The following ZNF500 variants were observed in gnomAD, a reference collection of about 807,000 sequenced individuals.
The protein encoded by ZNF500 is zinc finger protein with KRAB and SCAN domains 18.
In ZNF500, 31 loss-of-function variants were observed where a neutral mutation model predicts 30.1. The ratio of observed to expected loss-of-function variants is 1.03; its 90% confidence interval spans 0.77 to 1.39. The LOEUF is 1.39. Among genes scored for constraint, ZNF500 ranks in the 40% most tolerant of loss-of-function variants. The probability of loss-of-function intolerance (pLI) is 0.00; values close to 1 mark genes in which losing one functional copy is unlikely to be tolerated. For missense variants in ZNF500, 817 were observed against 657.8 expected, an observed-to-expected ratio of 1.24 and a Z score of -2.65; for synonymous variants, 392 against 282.0, an observed-to-expected ratio of 1.39 and a Z score of -3.91.
intron 1 of ZNF500, among the ~76,000 whole-genome samples, chr16:4,766,590 C>A (rs1321928539): frequency 6.6e-6 from 1 of 152,162 alleles, no homozygotes; most frequent in Non-Finnish European, 1.5e-5. Context: ...CACTGCACTC[C>A]AGCCTGGGCG....
chr16:4,752,316 G>C lies in ZNF500; in HGVS notation c.*60C>G, dbSNP rs1023170391. The C allele has an allele frequency of 7.0e-7, 1 of 1,437,584 alleles. No individual in the cohort carries two copies. Among genetic ancestry groups the C allele is most frequent in the South Asian group, 1.5e-5 (1 of 67,518 alleles). The allele number at this position is 1,437,584 out of a possible 1,614,324, so 89.1% of individuals were successfully genotyped here. A position where few individuals can be genotyped will look rare whatever the true frequency, so the allele number is the denominator to read the frequency against. ...TGCTTTCGGACCAGGCTGTCTAGCA[G>C]TTTCCTGAATTCTGTGCCCAGGGAT... is the stretch of plus-strand genomic sequence containing the variant. On this transcript the variant is annotated 3_prime_UTR_variant, in exon 6 of 6. Coordinates refer to ENST00000219478, the MANE Select transcript of ZNF500 (RefSeq NM_021646.4).
Position 4,765,823 on chromosome 16 carries a change from G to A in ZNF500, c.156C>T (p.Leu52=). ...CCTCCTGGTAGCAGAAGAGCCGGAA[G>A]AGCTGGCGGAAAGTCTCAGGGCTGG... The part of the protein sequence containing the change: ...EDPSPETFRQ[L]FRLFCYQEVA... Residue 52 remains leucine, a synonymous_variant, in exon 2 of 6, where the codon CTC becomes CTT. Transcript: ENST00000219478. The A allele has an allele frequency of 1.9e-6, 3 of 1,613,654 alleles. No individual in the cohort carries two copies. The highest frequency in any genetic ancestry group is 2.2e-5 in the South Asian group (2 of 91,082).
rs748019062 is a variant in ZNF500 at position 4,752,543 on chromosome 16, C to T, written c.1276G>A (p.Ala426Thr). Reference protein sequence around the residue: ...KRFNNSSHFSAHRRTHTGEKP... With the variant: ...KRFNNSSHFSTHRRTHTGEKP... ...TCACCTGTGTGCGTCCGGCGGTGGG[C>T]GCTGAAGTGCGAGCTGTTGTTGAAG... The change falls in exon 6 of 6, where the codon GCC becomes ACC. Residue 426 changes from alanine (A) to threonine (T), a missense_variant. By Grantham distance (58) the Ala-to-Thr change is moderately conservative. Transcript: ENST00000219478. 17 of 1,567,042 alleles carry T rather than the reference C, an allele frequency of 1.1e-5. No individual in the cohort carries two copies. In the East Asian group the frequency reaches 1.7e-4, roughly 15 times the overall value.
intron 5 of ZNF500, among the ~76,000 whole-genome samples, chr16:4,757,276 C>A (rs1480702013): frequency 6.6e-6 from 1 of 152,154 alleles, no homozygotes; most frequent in African/African-American, 2.4e-5. Flanking sequence ...TGAATTTCAT[C>A]TCATTAAAAA....
At chr16:4,746,212 C>G, downstream of ZNF500, 1 of 693,994 alleles carries the variant, frequency 1.4e-6, no homozygotes, top group Non-Finnish European at 2.3e-6. Flanking sequence ...ATCTCGCATG[C>G]TGTTCTGAAG....
chr16:4,746,878 A>C, downstream of ZNF500: 1 of 1,470,422 alleles, frequency 6.8e-7, no homozygotes, highest in Non-Finnish European at 9.1e-7. Context: ...CAAGAGTTGG[A>C]ACACCAGGTG....
downstream of ZNF500, chr16:4,747,082 C>G: frequency 6.9e-7 from 1 of 1,452,986 alleles, no homozygotes; most frequent in Non-Finnish European, 9.2e-7. Context: ...CTTTCTGCAG[C>G]AAGCCCTCCA....
chr16:4,754,418 G>T (rs559952197), intron 5 of ZNF500, among the ~76,000 whole-genome samples: 2 of 152,202 alleles, frequency 1.3e-5, no homozygotes, highest in South Asian at 4.1e-4. Context: ...CAAGCACTTT[G>T]GGAGGCCGAG....
At chr16:4,760,617 G>T (rs1309150981) in intron 4 of ZNF500, 29 bp from the exon 5 acceptor site, 2 of 1,601,020 alleles carry the variant, frequency 1.2e-6, no homozygotes, top group Non-Finnish European at 1.7e-6. Context: ...CTCAGTCCTG[G>T]CCCCAAGCAA....
chr16:4,755,936 AAAG>A (rs1469670431), intron 5 of ZNF500, among the ~76,000 whole-genome samples: 2 of 152,196 alleles, frequency 1.3e-5, no homozygotes, highest in African/African-American at 2.4e-5. Context: ...ACACTGAGCA[AAAG>A]AAGCCAGTCA....
At chr16:4,746,296 T>G, downstream of ZNF500, 1 of 1,451,024 alleles carries the variant, frequency 6.9e-7, no homozygotes, top group Non-Finnish European at 9.4e-7. Flanking sequence ...CCACGAGCAC[T>G]GTGACTGGAC....
At chr16:4,758,454 T>C (rs913697727) in intron 5 of ZNF500, 2 of 152,196 alleles carry the variant, frequency 1.3e-5, no homozygotes, top group African/African-American at 4.8e-5. Flanking sequence ...TTCTGCCTTT[T>C]GCACAGGGAA....
intron 4 of ZNF500, 77 bp from the exon 5 acceptor site, chr16:4,760,665 G>T: frequency 7.6e-7 from 1 of 1,321,700 alleles, no homozygotes; most frequent in Non-Finnish European, 1.1e-6. Context: ...GGCCCAGGGA[G>T]CTGCACCGCC....
chr16:4,746,113 C>CT, downstream of ZNF500: 1 of 395,378 alleles, frequency 2.5e-6, no homozygotes, highest in Non-Finnish European at 4.5e-6. Flanking sequence ...TAAATGTAAA[C>CT]TTAGCCACTT....
downstream of ZNF500, chr16:4,746,743 G>A: frequency 2.5e-5 from 19 of 752,174 alleles, no homozygotes; most frequent in South Asian, 2.9e-4. Flanking sequence ...AGCCCAACAC[G>A]TCTAGGCTGG....
Position 4,752,035 on chromosome 16 carries a change from G to A in ZNF500, c.*341C>T. On this transcript the variant is annotated 3_prime_UTR_variant, in exon 6 of 6. Transcript: ENST00000219478. Reference sequence around the variant, plus strand: ...TGCCAGCAGCCACTGGATGCTGGAGGCAGCTGATGGACCCTCCCAGGCCCT... The same window carrying A: ...TGCCAGCAGCCACTGGATGCTGGAGACAGCTGATGGACCCTCCCAGGCCCT... 8.0e-7 allele frequency: 1 copy of A among 1,255,630 alleles called. No homozygotes were observed. Among genetic ancestry groups the A allele is most frequent in the Non-Finnish European group, 1.0e-6 (1 of 992,586 alleles). The allele number at this position is 1,255,630 out of a possible 1,614,324, so 77.8% of individuals were successfully genotyped here.
chr16:4,747,135 C>G, downstream of ZNF500: 1 of 1,238,848 alleles, frequency 8.1e-7, no homozygotes, highest in South Asian at 1.5e-5. Context: ...GCTGCACCCA[C>G]CGCACAGGGT....
chr16:4,744,867 C>G (rs374317109), downstream of ZNF500: 112 of 1,611,286 alleles, frequency 7.0e-5, no homozygotes, highest in South Asian at 2.3e-4. Flanking sequence ...TGGCCATCCT[C>G]AGACCGCATG....
downstream of ZNF500, chr16:4,747,598 C>T: frequency 6.2e-7 from 1 of 1,609,576 alleles, no homozygotes; most frequent in Non-Finnish European, 8.5e-7. Context: ...CCAGGGAGGC[C>T]CTGATGCCTC....
Sources: allele counts gnomAD v4.1 joint callset (sites outside exome capture counted in the v4.1 genomes callset), GRCh38; gene constraint gnomAD v4.1.1; transcripts MANE v1.5; gene names NCBI Gene and HGNC (gene_info 2026-07-23, HGNC 2026-07-21).